SLC16A7: variants seen among roughly 807,000 people sequenced by gnomAD.
The protein encoded by SLC16A7 is monocarboxylate transporter 2.
SLC16A7 carries 33 observed loss-of-function variants against 34.9 expected under a neutral mutation model. The observed-to-expected ratio is 0.94, with a 90% CI of 0.72 to 1.26. SLC16A7 has a LOEUF of 1.26. Among genes scored for constraint, SLC16A7 ranks in the 50% most tolerant of loss-of-function variants. The probability of loss-of-function intolerance (pLI) is 0.00; values close to 1 mark genes in which losing one functional copy is unlikely to be tolerated. For synonymous variants in SLC16A7, 201 were observed against 206.6 expected (o/e 0.97, Z 0.23); for missense variants, 573 against 578.1 (o/e 0.99, Z 0.09).
intron 1 of SLC16A7, among the ~76,000 whole-genome samples, chr12:59,644,900 G>T (rs1388788976): frequency 6.6e-6 from 1 of 152,168 alleles, no homozygotes; most frequent in Non-Finnish European, 1.5e-5. Flanking sequence ...TGGTTGAAAT[G>T]ATTTTCATGA....
chr12:59,633,132 A>G (rs894550734), intron 1 of SLC16A7, among the ~76,000 whole-genome samples: 2 of 151,992 alleles, frequency 1.3e-5, no homozygotes, highest in Admixed American at 6.6e-5. Flanking sequence ...AAAATCTGCC[A>G]TGTGCTTGTA....
intron 3 of SLC16A7, among the ~76,000 whole-genome samples, chr12:59,726,301 A>G (rs568438029): frequency 6.6e-6 from 1 of 152,284 alleles, no homozygotes; most frequent in African/African-American, 2.4e-5. Flanking sequence ...GGTAGCCAAA[A>G]TGTATGTTTT....
chr12:59,674,027 C>A (rs1870104101), intron 2 of SLC16A7, among the ~76,000 whole-genome samples: 1 of 152,144 alleles, frequency 6.6e-6, no homozygotes, highest in South Asian at 2.1e-4. Flanking sequence ...TATAGAGCAG[C>A]TTTTCCCAAC....
chr12:59,745,854 A>T (rs1790010101), intron 3 of SLC16A7, among the ~76,000 whole-genome samples: 1 of 152,206 alleles, frequency 6.6e-6, no homozygotes, highest in Non-Finnish European at 1.5e-5. Context: ...CAGTGCCTAG[A>T]GCTATGTTTA....
At chr12:59,762,586 T>C (rs1172012826) in intron 3 of SLC16A7, among the ~76,000 whole-genome samples, 5 of 152,110 alleles carry the variant, frequency 3.3e-5, no homozygotes, top group Admixed American at 3.3e-4. Flanking sequence ...ATTTTCTTTC[T>C]ACTACAAATT....
intron 2 of SLC16A7, among the ~76,000 whole-genome samples, chr12:59,658,908 A>G (rs533605920): frequency 6.6e-6 from 1 of 152,038 alleles, no homozygotes; most frequent in Admixed American, 6.6e-5. Context: ...TAATCAGTCA[A>G]ATTTGCTAAT....
chr12:59,652,605 C>A (rs1478499279), intron 1 of SLC16A7, among the ~76,000 whole-genome samples: 2 of 151,738 alleles, frequency 1.3e-5, no homozygotes, highest in African/African-American at 4.8e-5. Context: ...TATTTCCTAC[C>A]TGATAATTGG....
intron 3 of SLC16A7, chr12:59,768,217 C>A (rs559668570): frequency 6.6e-6 from 3 of 455,532 alleles, no homozygotes; most frequent in Non-Finnish European, 1.3e-5. Flanking sequence ...ACATCACGAT[C>A]ATTCACTGTT....
intron 1 of SLC16A7, among the ~76,000 whole-genome samples, chr12:59,610,184 T>G (rs1879131563): frequency 6.6e-6 from 1 of 152,162 alleles, no homozygotes; most frequent in African/African-American, 2.4e-5. Context: ...AGAGAAATAT[T>G]TAGGATTCTG....
Position 59,775,268 on chromosome 12 carries a change from G to A in SLC16A7, c.973G>A (p.Gly325Arg). The change falls in exon 5 of 6, where the codon GGA (glycine) becomes AGA (arginine). Residue 325 changes from glycine to arginine, a missense_variant. Gly to Arg is a moderately radical substitution (Grantham distance 125, BLOSUM62 -2). Coordinates refer to ENST00000547379, the MANE Select transcript of SLC16A7 (RefSeq NM_001270623.2). ...YFFSFAIMFN[G>R]VCHLLCPLAQ... ...CTTCAGTTTTGCAATCATGTTCAATGGAGTGTGTCACCTCTTGTGCCCACT... is the reference window on the plus strand; with the variant it reads ...CTTCAGTTTTGCAATCATGTTCAATAGAGTGTGTCACCTCTTGTGCCCACT... 3 of 1,614,120 alleles carry A rather than the reference G, an allele frequency of 1.9e-6. No individual in the cohort carries two copies. The highest frequency in any genetic ancestry group is 2.5e-6 in the Non-Finnish European group (3 of 1,179,996).
rs181694498 is a variant in SLC16A7, at chr12:59,681,135, C to T, written c.-30-23637C>T. On this transcript the variant is annotated intron_variant, in intron 2 of 5. Transcript: ENST00000547379. ...CAAATCCATGCCACACCTGACCATC[C>T]GAATCTTAAAACATCATTGTGTTTA... Among the ~76,000 whole-genome samples, 62 of 152,274 alleles carry T rather than the reference C, an allele frequency of 4.1e-4. 2 individuals are homozygous for T. In the East Asian group the frequency reaches 9.3e-3, roughly 23 times the overall value.
chr12:59,682,832 G>T (rs1280429694), intron 2 of SLC16A7, among the ~76,000 whole-genome samples: 1 of 152,110 alleles, frequency 6.6e-6, no homozygotes, highest in African/African-American at 2.4e-5. Flanking sequence ...CACTTTGGGA[G>T]GCCAAGGTGG....
intron 3 of SLC16A7, among the ~76,000 whole-genome samples, chr12:59,724,024 G>A (rs928649506): frequency 4.6e-5 from 7 of 151,982 alleles, no homozygotes; most frequent in South Asian, 2.1e-4. Flanking sequence ...GTATAATGTC[G>A]TTGGCCTACC....
intron 3 of SLC16A7, chr12:59,768,144 C>T: frequency 4.5e-6 from 2 of 449,156 alleles, no homozygotes; most frequent in South Asian, 1.6e-5. Context: ...CATAATGACT[C>T]CTCTGATGAA....
At chr12:59,768,197 A>G (rs771154491) in intron 3 of SLC16A7, 3 of 455,698 alleles carry the variant, frequency 6.6e-6, no homozygotes, top group African/African-American at 2.0e-5. Flanking sequence ...AGGATTTGCT[A>G]TTCTAGATAA....
At chr12:59,623,790 A>G (rs1001399465) in intron 1 of SLC16A7, among the ~76,000 whole-genome samples, 7 of 151,676 alleles carry the variant, frequency 4.6e-5, no homozygotes, top group Non-Finnish European at 1.0e-4. Flanking sequence ...TAAGAAAATA[A>G]CAGAGTCTTG....
chr12:59,640,069 A>G (rs1880610440), intron 1 of SLC16A7, among the ~76,000 whole-genome samples: 1 of 152,126 alleles, frequency 6.6e-6, no homozygotes, highest in East Asian at 1.9e-4. Flanking sequence ...AAATAGTCAC[A>G]CGGAATTGGT....
chr12:59,668,371 A>AC (rs1398942431), intron 2 of SLC16A7, among the ~76,000 whole-genome samples: 1 of 152,006 alleles, frequency 6.6e-6, no homozygotes, highest in Non-Finnish European at 1.5e-5. Flanking sequence ...GGCCACGGGA[A>AC]CCCCCCTCTT....
Position 59,601,653 on chromosome 12 carries a change from G to C in SLC16A7, c.-130+5417G>C, listed in dbSNP as rs371351635. Reference sequence around the variant, plus strand: ...GCGATAACAAACTATAGACAGATTAGGTAGCTTATGAACAACAGAAATTTA... The same window carrying C: ...GCGATAACAAACTATAGACAGATTACGTAGCTTATGAACAACAGAAATTTA... On this transcript the variant is annotated intron_variant, in intron 1 of 5. Transcript: ENST00000547379. 1.5e-4 allele frequency among the ~76,000 whole-genome samples: 23 copies of C among 152,274 alleles called. 1 individual carries two copies. The East Asian group carries it at 4.2e-3, about 28-fold the overall frequency.
Sources: allele counts gnomAD v4.1 joint callset (sites outside exome capture counted in the v4.1 genomes callset), GRCh38; gene constraint gnomAD v4.1.1; transcripts MANE v1.5; gene names NCBI Gene and HGNC (gene_info 2026-07-23, HGNC 2026-07-21).